Variants in TPH2 observed in about 807,000 individuals in gnomAD.
TPH2 encodes the protein tryptophan hydroxylase 2, also known as tryptophan 5-hydroxylase 2.
TPH2 carries 27 observed loss-of-function variants against 59.1 expected under a neutral mutation model. The ratio of observed to expected loss-of-function variants is 0.46; its 90% CI spans 0.34 to 0.63. TPH2 has a LOEUF of 0.63. TPH2 is among the 30% of genes least tolerant of loss of function. The pLI, the probability that TPH2 is intolerant of heterozygous loss-of-function variation, is 0.01. For missense variants in TPH2, 523 were observed against 588.3 expected, an observed-to-expected ratio of 0.89 and a Z score of 1.15; for synonymous variants, 220 against 210.5, an observed-to-expected ratio of 1.05 and a Z score of -0.39.
intron 8 of TPH2, among the ~76,000 whole-genome samples, chr12:72,002,911 AT>A (rs1486545150): frequency 6.6e-6 from 1 of 152,162 alleles, no homozygotes; most frequent in Non-Finnish European, 1.5e-5. Flanking sequence ...GTGTATTTGA[AT>A]TTTCAGGATA....
intron 4 of TPH2, among the ~76,000 whole-genome samples, chr12:71,947,761 A>C (rs1871234124): frequency 6.6e-6 from 1 of 152,030 alleles, no homozygotes; most frequent in African/African-American, 2.4e-5. Flanking sequence ...GATCGCCCAC[A>C]ACATTTGCGT....
At chr12:71,998,619 A>C (rs537259395) in intron 8 of TPH2, among the ~76,000 whole-genome samples, 1 of 152,294 alleles carries the variant, frequency 6.6e-6, no homozygotes, top group South Asian at 2.1e-4. Context: ...TAGAAGGCAA[A>C]TTTAATGACC....
intron 7 of TPH2, among the ~76,000 whole-genome samples, chr12:71,979,924 C>T (rs1372922447): frequency 6.6e-6 from 1 of 151,452 alleles, no homozygotes; most frequent in East Asian, 1.9e-4. Context: ...CCTGCCCTTC[C>T]AGGTGAATGG....
At position 71,938,896 on chromosome 12, in the gene TPH2, A is replaced by C; in HGVS notation, c.-91A>C. The C allele has an allele frequency of 1.8e-6, 2 of 1,110,104 alleles. No homozygotes were observed. The highest frequency in any genetic ancestry group is 2.7e-6 in the Non-Finnish European group (2 of 728,406). The allele number at this position is 1,110,104 out of a possible 1,614,324, so 68.8% of individuals were successfully genotyped here. ...GGACAGCGCCCCAAGCAGGCAGCTG[A>C]TCGCACGCCCCTTCCTCTCAATCTC... On this transcript the variant is annotated 5_prime_UTR_variant, in exon 1 of 11. Transcript: ENST00000333850.
At position 71,941,509 on chromosome 12, in the gene TPH2, G is replaced by A; in HGVS notation, c.106-75G>A. The stretch of plus-strand genomic sequence containing the variant: ...CTTCCAGCTTATGAATGACATGTAT[G>A]GGAAAAATCTAATTACGGAGGATTC... On this transcript the variant is annotated intron_variant, in intron 1 of 10. Coordinates refer to ENST00000333850, the MANE Select transcript of TPH2 (RefSeq NM_173353.4). 5 of 1,537,250 alleles carry A rather than the reference G, an allele frequency of 3.3e-6. No homozygotes were observed. In the East Asian group the frequency reaches 9.7e-5, roughly 30 times the overall value.
intron 8 of TPH2, among the ~76,000 whole-genome samples, chr12:72,008,703 A>G (rs575126242): frequency 6.6e-6 from 1 of 152,160 alleles, no homozygotes; most frequent in Non-Finnish European, 1.5e-5. Flanking sequence ...CATAATGCAG[A>G]ATAATGGCAG....
intron 7 of TPH2, among the ~76,000 whole-genome samples, chr12:71,988,507 T>C (rs972457071): frequency 2.6e-5 from 4 of 151,546 alleles, no homozygotes; most frequent in Non-Finnish European, 5.9e-5. Flanking sequence ...AGAGAGAGAG[T>C]TGGAGGGTGT....
At chr12:71,952,863 C>A (rs1488205049) in intron 5 of TPH2, among the ~76,000 whole-genome samples, 1 of 152,192 alleles carries the variant, frequency 6.6e-6, no homozygotes, top group Non-Finnish European at 1.5e-5. Context: ...TCGCCCAACA[C>A]ATGACCAATG....
chr12:71,981,249 G>A (rs1393892732), intron 7 of TPH2, among the ~76,000 whole-genome samples: 1 of 152,216 alleles, frequency 6.6e-6, no homozygotes, highest in African/African-American at 2.4e-5. Context: ...GACCAGAATA[G>A]CCAGGATACA....
intron 8 of TPH2, among the ~76,000 whole-genome samples, chr12:72,009,171 C>A (rs529228119): frequency 2.0e-5 from 3 of 152,210 alleles, no homozygotes; most frequent in African/African-American, 7.2e-5. Context: ...GTTCATGATC[C>A]TCCCCTGGGA....
At chr12:72,011,160 T>G (rs1010568755) in intron 8 of TPH2, among the ~76,000 whole-genome samples, 6 of 152,182 alleles carry the variant, frequency 3.9e-5, no homozygotes, top group African/African-American at 1.4e-4. Context: ...TGGAAAAAGA[T>G]AGAACTGCTT....
chr12:72,017,286 C>G (rs1873284874), intron 8 of TPH2, among the ~76,000 whole-genome samples: 1 of 152,120 alleles, frequency 6.6e-6, no homozygotes, highest in Admixed American at 6.5e-5. Flanking sequence ...ATCTCATTTT[C>G]CTAAGCACAC....
chr12:71,954,956 G>A (rs1871454618), intron 5 of TPH2, among the ~76,000 whole-genome samples: 2 of 151,960 alleles, frequency 1.3e-5, no homozygotes, highest in African/African-American at 2.4e-5. Flanking sequence ...GAATATTATT[G>A]TGATTGTGTT....
chr12:71,956,923 T>G (rs1871524451), intron 5 of TPH2, among the ~76,000 whole-genome samples: 1 of 152,118 alleles, frequency 6.6e-6, no homozygotes, highest in African/African-American at 2.4e-5. Context: ...TTTCATTTCT[T>G]TATGACACTT....
intron 5 of TPH2, among the ~76,000 whole-genome samples, chr12:71,959,437 A>G (rs1174589292): frequency 4.6e-5 from 7 of 152,220 alleles, no homozygotes; most frequent in Non-Finnish European, 2.9e-5. Flanking sequence ...CTCCACTTGC[A>G]GGTAGCTGTG....
chr12:71,974,715 A>G (rs1269410388), intron 6 of TPH2, among the ~76,000 whole-genome samples: 3 of 151,974 alleles, frequency 2.0e-5, no homozygotes, highest in Non-Finnish European at 4.4e-5. Flanking sequence ...ATCTCCCCCT[A>G]TTGCCACTTA....
chr12:72,029,965 C>T (rs1873677204), intron 9 of TPH2, among the ~76,000 whole-genome samples: 1 of 152,090 alleles, frequency 6.6e-6, no homozygotes, highest in Non-Finnish European at 1.5e-5. Flanking sequence ...CTGTTAGAGA[C>T]TGAGAAGGTA....
chr12:71,992,476 C>T (rs930504153), intron 7 of TPH2, among the ~76,000 whole-genome samples: 1 of 146,318 alleles, frequency 6.8e-6, no homozygotes, highest in African/African-American at 2.5e-5. Context: ...TGGTGGCATG[C>T]GCCTGTAGTC....
intron 4 of TPH2, among the ~76,000 whole-genome samples, chr12:71,947,757 C>T (rs1338850794): frequency 6.6e-6 from 1 of 152,002 alleles, no homozygotes; most frequent in Non-Finnish European, 1.5e-5. Context: ...TCTGGATCGC[C>T]CACAACATTT....
Sources: allele counts gnomAD v4.1 joint callset (sites outside exome capture counted in the v4.1 genomes callset), GRCh38; gene constraint gnomAD v4.1.1; transcripts MANE v1.5; gene names NCBI Gene and HGNC (gene_info 2026-07-23, HGNC 2026-07-21).